Variants in IPP observed in about 807,000 individuals in gnomAD.
IPP encodes the protein actin-binding protein IPP.
A neutral mutation model predicts 64.1 loss-of-function variants in IPP; 41 were observed. The observed-to-expected ratio is 0.64, with a 90% confidence interval of 0.50 to 0.83. The LOEUF is 0.83. Ranked by LOEUF, IPP falls within the 40% of genes least tolerant of loss-of-function variation. The pLI is 0.00. For synonymous variants in IPP, 214 were observed against 235.2 expected (o/e 0.91, Z 0.83); for missense variants, 649 against 703.0 (o/e 0.92, Z 0.87).
At chr1:45,742,289 C>A (rs2148582750) in intron 2 of IPP, among the ~76,000 whole-genome samples, 1 of 151,842 alleles carries the variant, frequency 6.6e-6, no homozygotes, top group African/African-American at 2.4e-5. Context: ...AACTGGGGGA[C>A]AAAATTATCT....
At position 45,719,250 on chromosome 1, in the gene IPP, C is replaced by T. The variant is rs778447246; in HGVS notation, c.1139G>A (p.Arg380His). The T allele has an allele frequency of 1.8e-5, 29 of 1,613,702 alleles. No homozygotes were observed. Among genetic ancestry groups the T allele is most frequent in the Admixed American group, 5.0e-5 (3 of 59,966 alleles). The part of the protein sequence containing the change: ...WTTVASMNHP[R>H]CGLGVCVCYG... ...ACACACACACACTCCTAAGCCGCAG[C>T]GGGGATGATTCATCGAAGCTACAGT... Residue 380 changes from arginine (R) to histidine (H), a missense_variant, in exon 6 of 9, where the codon CGC becomes CAC. Arg to His is a conservative substitution (Grantham distance 29). Transcript: ENST00000396478.
chr1:45,703,839 G>A (rs1181204251), intron 8 of IPP, among the ~76,000 whole-genome samples: 1 of 152,068 alleles, frequency 6.6e-6, no homozygotes, highest in Non-Finnish European at 1.5e-5. Flanking sequence ...TTTATTTCTC[G>A]TATTCCTCAA....
At chr1:45,721,629 C>T (rs569929102) in intron 5 of IPP, among the ~76,000 whole-genome samples, 62 of 152,328 alleles carry the variant, frequency 4.1e-4, no homozygotes, top group Non-Finnish European at 7.1e-4. Context: ...GCTGTGGAGA[C>T]AATTACATGC....
chr1:45,698,178 G>GCTA (rs1481998279), downstream of IPP: 1 of 152,034 alleles, frequency 6.6e-6, no homozygotes, highest in Non-Finnish European at 1.5e-5. Flanking sequence ...TGTAATCCCA[G>GCTA]CTACTTGGGA....
At position 45,714,293 on chromosome 1, in the gene IPP, C is replaced by T. The variant is rs374800097; in HGVS notation, c.1483G>A (p.Glu495Lys). 6.2e-7 allele frequency: 1 copy of T among 1,614,096 alleles called. No individual in the cohort carries two copies. The highest frequency in any genetic ancestry group is 8.5e-7 in the Non-Finnish European group (1 of 1,180,034). ...ACAGTATGAAGAGCATCTTGGGTCT[C>T]ATTCCATCCTCCAACAGAATAGATG... The part of the protein sequence containing the change: ...DCIYSVGGWN[E>K]TQDALHTVEK... The change falls in exon 8 of 9, where the codon GAG (glutamate) becomes AAG (lysine). Residue 495 changes from glutamate to lysine, a missense_variant. Glu to Lys is a moderately conservative substitution (Grantham distance 56). Transcript: ENST00000396478.
intron 3 of IPP, among the ~76,000 whole-genome samples, chr1:45,733,606 C>T (rs1200983487): frequency 4.6e-5 from 7 of 151,496 alleles, no homozygotes; most frequent in Non-Finnish European, 7.4e-5. Context: ...CCGAGGCAGA[C>T]GGATCACCTG....
At chr1:45,706,177 A>G (rs1483225384) in intron 8 of IPP, among the ~76,000 whole-genome samples, 1 of 152,154 alleles carries the variant, frequency 6.6e-6, no homozygotes, top group African/African-American at 2.4e-5. Context: ...GTTCTGACCA[A>G]CCAAAGTGAA....
chr1:45,727,779 C>A lies in IPP; in HGVS notation c.900G>T (p.Gln300His). 6.4e-7 allele frequency: 1 copy of A among 1,559,188 alleles called. No homozygotes were observed. The highest frequency in any genetic ancestry group is 8.8e-7 in the Non-Finnish European group (1 of 1,140,886). Residue 300 changes from glutamine to histidine, a missense_variant, in exon 5 of 9, where the codon CAG becomes CAT. Coordinates refer to ENST00000396478, the MANE Select transcript of IPP (RefSeq NM_005897.3). ...CTCTGCTATCACTCCAGCGACCCCC[C>A]TGCAACCGAGTATATCCACCTAAAC... ...LYAVGGYTRL[Q>H]GGRWSDSRAL...
rs76446302 is a variant in IPP, at chr1:45,750,424, G to T, written c.-51+173C>A. Among the ~76,000 whole-genome samples, 460 of 152,342 alleles carry T rather than the reference G, an allele frequency of 3.0e-3. 4 individuals are homozygous for T. The highest frequency in any genetic ancestry group is 0.022 in the East Asian group (116 of 5,184). ...GTCCGGACGAGAAGGTCTGGGGAGG[G>T]CGACACTTAGACTGTCGGAGGAAGG... On this transcript the variant is annotated intron_variant, in intron 1 of 8. Coordinates refer to ENST00000396478, the MANE Select transcript of IPP (RefSeq NM_005897.3).
chr1:45,708,603 T>C (rs1444413310), intron 8 of IPP, among the ~76,000 whole-genome samples: 1 of 132,040 alleles, frequency 7.6e-6, no homozygotes, highest in African/African-American at 2.9e-5. Flanking sequence ...CACTTGAACC[T>C]GGGAGGCAGA....
intron 8 of IPP, among the ~76,000 whole-genome samples, chr1:45,703,252 C>T (rs1645477292): frequency 6.7e-6 from 1 of 149,264 alleles, no homozygotes; most frequent in South Asian, 2.2e-4. Flanking sequence ...CCACACCTGG[C>T]TAATTTTCAC....
intron 5 of IPP, among the ~76,000 whole-genome samples, chr1:45,724,708 GC>G (rs1165731239): frequency 1.3e-5 from 2 of 150,066 alleles, no homozygotes; most frequent in African/African-American, 2.5e-5. Flanking sequence ...CTGCCCGGCC[GC>G]CCCGTCTGAG....
chr1:45,721,509 T>A (rs1376536518), intron 5 of IPP, among the ~76,000 whole-genome samples: 3 of 152,250 alleles, frequency 2.0e-5, no homozygotes, highest in Non-Finnish European at 2.9e-5. Context: ...ACTGTGACTC[T>A]ACTGGGTGAG....
chr1:45,705,982 A>G (rs2148549264), intron 8 of IPP, among the ~76,000 whole-genome samples: 1 of 152,296 alleles, frequency 6.6e-6, no homozygotes. Flanking sequence ...CATGATAGTC[A>G]GCTGATACAG....
At chr1:45,717,502 C>T (rs1230295812) in intron 6 of IPP, among the ~76,000 whole-genome samples, 1 of 144,214 alleles carries the variant, frequency 6.9e-6, no homozygotes, top group African/African-American at 2.5e-5. Flanking sequence ...TTTCTTAACA[C>T]TCTCCAATTC....
chr1:45,713,377 A>G (rs1482841770), intron 8 of IPP, among the ~76,000 whole-genome samples: 1 of 152,082 alleles, frequency 6.6e-6, no homozygotes, highest in Non-Finnish European at 1.5e-5. Context: ...CCTGACCAAC[A>G]TAGAGAAACC....
intron 5 of IPP, among the ~76,000 whole-genome samples, chr1:45,721,404 C>G (rs1249751396): frequency 1.3e-5 from 2 of 152,192 alleles, no homozygotes; most frequent in African/African-American, 4.8e-5. Flanking sequence ...CTGCAAAAAC[C>G]TTGGGCACTA....
chr1:45,713,584 A>G (rs991068868), intron 8 of IPP, among the ~76,000 whole-genome samples: 4 of 151,608 alleles, frequency 2.6e-5, no homozygotes, highest in Non-Finnish European at 5.9e-5. Flanking sequence ...TACTCTTTTG[A>G]GAGAGGGTCT....
At position 45,745,357 on chromosome 1, in the gene IPP, A is replaced by T. The variant is rs538292875; in HGVS notation, c.292+763T>A. Among the ~76,000 whole-genome samples the T allele has an allele frequency of 1.4e-4, 21 of 152,304 alleles. No individual in the cohort carries two copies. The East Asian group carries it at 4.0e-3, about 29-fold the overall frequency. On this transcript the variant is annotated intron_variant, in intron 2 of 8. Transcript: ENST00000396478. Reference sequence around the variant, plus strand: ...GCTTTCTCATGTGTAAATACATATAAGTTTTTTTGGGTTGTGTTTCAAACA... The same window carrying T: ...GCTTTCTCATGTGTAAATACATATATGTTTTTTTGGGTTGTGTTTCAAACA...
Sources: gnomAD v4.1 joint callset for allele counts (sites outside exome capture counted in the v4.1 genomes callset) on GRCh38, gnomAD v4.1.1 for gene constraint, MANE v1.5 for transcripts, NCBI Gene and HGNC (gene_info 2026-07-23, HGNC 2026-07-21) for gene names.